The following ATR variants were observed in gnomAD, a reference collection of about 807,000 sequenced individuals.
ATR encodes ATR checkpoint kinase.
Under a neutral mutation model 305.3 loss-of-function variants are expected in ATR, and 142 were observed. That is an observed-to-expected ratio of 0.47 (90% CI 0.41 to 0.53). The LOEUF (loss-of-function observed/expected upper bound fraction) is 0.53, where lower values mean the gene tolerates loss of function less well. Ranked by LOEUF, ATR falls within the 20% of genes least tolerant of loss-of-function variation. ATR has a pLI of 0.00. For synonymous variants in ATR, 1,050 were observed against 1,068.1 expected, an observed-to-expected ratio of 0.98 and a Z score of 0.33; for missense variants, 2,135 against 3,133.1, an observed-to-expected ratio of 0.68 and a Z score of 7.60.
At chr3:142,545,295 T>C (rs1373970813) in intron 16 of ATR, among the ~76,000 whole-genome samples, 1 of 152,088 alleles carries the variant, frequency 6.6e-6, no homozygotes, top group Non-Finnish European at 1.5e-5. Context: ...AGAAATGTGG[T>C]AAGGGAGTCG....
chr3:142,484,866 TTGA>T (rs1317586193), intron 36 of ATR, among the ~76,000 whole-genome samples: 1 of 152,194 alleles, frequency 6.6e-6, no homozygotes, highest in Non-Finnish European at 1.5e-5. Flanking sequence ...TTCTACTGTG[TTGA>T]TGATTGCTGT....
intron 16 of ATR, among the ~76,000 whole-genome samples, 164 bp downstream of exon 16, chr3:142,547,558 GACC>G (rs1484720327): frequency 6.6e-6 from 1 of 152,132 alleles, no homozygotes; most frequent in African/African-American, 2.4e-5. Flanking sequence ...TTGTGCATGT[GACC>G]ACGTGATTTA....
rs781352948 is a variant in ATR at position 142,508,051 on chromosome 3, G to A, written c.4911C>T (p.Pro1637=). Residue 1637 remains proline (P), a synonymous_variant, in exon 28 of 47, where the codon CCC becomes CCT. Coordinates refer to ENST00000350721, the MANE Select transcript of ATR (RefSeq NM_001184.4). ...QSVTRFLDLI[P]QDTLAVASFR... is the part of the protein sequence containing the mutation. ...AGGAAGCTACTGCCAGAGTATCCTG[G>A]GGTATGAGGTCTAGAAAACGGGTTA... 2.5e-6 allele frequency: 4 copies of A among 1,613,062 alleles called. No homozygotes were observed. The highest frequency in any genetic ancestry group is 3.3e-5 in the Admixed American group (2 of 59,866).
intron 21 of ATR, among the ~76,000 whole-genome samples, chr3:142,527,450 A>G (rs1161896326): frequency 1.3e-5 from 2 of 152,194 alleles, no homozygotes; most frequent in Non-Finnish European, 1.5e-5. Context: ...GATACACTAT[A>G]TATTCCAGGA....
At chr3:142,486,353 T>C (rs192083099) in intron 35 of ATR, among the ~76,000 whole-genome samples, 5 of 152,292 alleles carry the variant, frequency 3.3e-5, no homozygotes, top group Non-Finnish European at 7.4e-5. Context: ...GCTAGGTTCA[T>C]GTACCTAATC....
chr3:142,499,978 C>T, intron 30 of ATR: 1 of 367,326 alleles, frequency 2.7e-6, no homozygotes, highest in South Asian at 2.8e-5. Context: ...TAAAGTGTGC[C>T]ATATATTAGA....
Position 142,563,076 on chromosome 3 carries a change from C to A in ATR, c.326G>T (p.Arg109Leu). 1.2e-6 allele frequency: 2 copies of A among 1,602,842 alleles called. No individual in the cohort carries two copies. The highest frequency in any genetic ancestry group is 1.7e-6 in the Non-Finnish European group (2 of 1,177,002). Reference sequence around the variant, plus strand: ...ATGACAGGAGGGAGTTGCTGCAATCCGCAGAAGTCTCGTTATGATCCAATT... The same window carrying A: ...ATGACAGGAGGGAGTTGCTGCAATCAGCAGAAGTCTCGTTATGATCCAATT... ...FSNWIITRLLRIAATPSCHLL... is the reference protein window; with the variant it reads ...FSNWIITRLLLIAATPSCHLL... The change falls in exon 4 of 47, where the codon CGG (arginine) becomes CTG (leucine). Residue 109 changes from arginine to leucine, a missense_variant. Physicochemically the swap from Arg to Leu is moderately radical, Grantham distance 102 (BLOSUM62 -2). Transcript: ENST00000350721.
intron 21 of ATR, among the ~76,000 whole-genome samples, chr3:142,531,616 T>TG (rs1038911370): frequency 1.3e-5 from 2 of 152,234 alleles, no homozygotes; most frequent in Non-Finnish European, 2.9e-5. Context: ...TAGTATTCCA[T>TG]GGGGTATATG....
chr3:142,467,858 C>T, intron 39 of ATR, 76 bp downstream of exon 39: 1 of 1,527,394 alleles, frequency 6.5e-7, no homozygotes, highest in Non-Finnish European at 8.9e-7. Flanking sequence ...TTTAATTAAT[C>T]AAATGAAAAA....
chr3:142,568,937 C>T (rs2035169276), intron 1 of ATR, among the ~76,000 whole-genome samples: 1 of 152,228 alleles, frequency 6.6e-6, no homozygotes, highest in African/African-American at 2.4e-5. Flanking sequence ...GCAGGCGCCC[C>T]TCGGCACGAA....
At chr3:142,574,779 G>GT (rs761754916) in intron 1 of ATR, among the ~76,000 whole-genome samples, 2 of 152,160 alleles carry the variant, frequency 1.3e-5, no homozygotes, top group Non-Finnish European at 2.9e-5. Context: ...GCAGGGCCCT[G>GT]TCAGTCATGG....
rs377187129 is a variant in ATR at position 142,519,792 on chromosome 3, T to C, written c.4267-8A>G. 5 of 1,555,856 alleles carry C rather than the reference T, an allele frequency of 3.2e-6. No individual in the cohort carries two copies. Among genetic ancestry groups the C allele is most frequent in the South Asian group, 1.1e-5 (1 of 89,888 alleles). Reference sequence around the variant, plus strand: ...ATAAATAGAAAGCAACTCCTACAAATACATATTTTACATTTGTAAGTCCAC... The same window carrying C: ...ATAAATAGAAAGCAACTCCTACAAACACATATTTTACATTTGTAAGTCCAC... On this transcript the variant is annotated splice_region_variant and splice_polypyrimidine_tract_variant and intron_variant, in intron 23 of 46. Coordinates refer to ENST00000350721, the MANE Select transcript of ATR (RefSeq NM_001184.4).
At chr3:142,509,953 T>C (rs959995322) in intron 27 of ATR, among the ~76,000 whole-genome samples, 1 of 151,578 alleles carries the variant, frequency 6.6e-6, no homozygotes, top group Non-Finnish European at 1.5e-5. Flanking sequence ...CTGTCTCCAT[T>C]AAAATACAAA....
At chr3:142,488,304 T>C (rs559420535) in intron 35 of ATR, among the ~76,000 whole-genome samples, 10 of 152,336 alleles carry the variant, frequency 6.6e-5, no homozygotes, top group African/African-American at 2.4e-4. Context: ...GCAACGACTC[T>C]CTGTTGTTGC....
In ATR at chr3:142,562,381, A is replaced by T. The variant is rs1361838755; in HGVS notation, c.1021T>A (p.Leu341Met). The change falls in exon 4 of 47, where the codon TTG (leucine) becomes ATG (methionine). Residue 341 changes from leucine to methionine, a missense_variant. Coordinates refer to ENST00000350721, the MANE Select transcript of ATR (RefSeq NM_001184.4). Reference sequence around the variant, plus strand: ...AAATGGCACAAAGCTGCTTTTAGCAAATCAGACTTAAGCCGCATGAGCACA... The same window carrying T: ...AAATGGCACAAAGCTGCTTTTAGCATATCAGACTTAAGCCGCATGAGCACA... ...DGVLMRLKSD[L>M]LKAALCHLLQ... 2.5e-6 allele frequency: 4 copies of T among 1,614,046 alleles called. No individual in the cohort carries two copies. Among genetic ancestry groups the T allele is most frequent in the Non-Finnish European group, 3.4e-6 (4 of 1,180,002 alleles).
chr3:142,493,153 A>T lies in ATR; in HGVS notation c.6057T>A (p.Asn2019Lys). The T allele has an allele frequency of 6.2e-7, 1 of 1,613,482 alleles. No homozygotes were observed. The highest frequency in any genetic ancestry group is 8.5e-7 in the Non-Finnish European group (1 of 1,179,640). The change falls in exon 35 of 47, where the codon AAT becomes AAA. Residue 2019 changes from asparagine to lysine, a missense_variant. By Grantham distance (94) the Asn-to-Lys change is moderately conservative (BLOSUM62 0). This residue lies in a region of ATR where 462 missense variants were observed against 887.6 expected (regional missense o/e 0.52). Transcript: ENST00000350721. ...FMEETANFESNAIMKKYKDVT... is the reference protein window; with the variant it reads ...FMEETANFESKAIMKKYKDVT... ...TTGCCTTATATTTTTTCATAATTGCATTGCTTTCAAAGTTAGCTGTTTCTT... is the reference window on the plus strand; with the variant it reads ...TTGCCTTATATTTTTTCATAATTGCTTTGCTTTCAAAGTTAGCTGTTTCTT...
At chr3:142,562,152 T>A in intron 4 of ATR, 80 bp downstream of exon 4, 1 of 1,392,248 alleles carries the variant, frequency 7.2e-7, no homozygotes, top group East Asian at 2.4e-5. Context: ...TATTTTCTTA[T>A]TATTACATTT....
At chr3:142,548,394 C>T (rs571436125) in intron 15 of ATR, among the ~76,000 whole-genome samples, 2 of 152,272 alleles carry the variant, frequency 1.3e-5, no homozygotes, top group South Asian at 4.1e-4. Context: ...TTTGGCTGGG[C>T]GTGTTGGTTC....
chr3:142,468,781 A>G (rs1470346939), intron 38 of ATR, among the ~76,000 whole-genome samples: 1 of 152,152 alleles, frequency 6.6e-6, no homozygotes, highest in East Asian at 1.9e-4. Flanking sequence ...CTTGAGCCCA[A>G]GAGTTTGAGC....
Sources: allele counts gnomAD v4.1 joint callset (sites outside exome capture counted in the v4.1 genomes callset), GRCh38; gene constraint gnomAD v4.1.1; regional missense constraint gnomAD v4.1.1; transcripts MANE v1.5; gene names NCBI Gene and HGNC (gene_info 2026-07-23, HGNC 2026-07-21).